The following LRRC38 variants were observed in gnomAD, a reference collection of about 807,000 sequenced individuals.
LRRC38 encodes leucine rich repeat containing 38.
A neutral mutation model predicts 16.4 loss-of-function variants in LRRC38; 5 were observed. The observed-to-expected ratio is 0.31, with a 90% CI of 0.16 to 0.64. The LOEUF is 0.64. LRRC38 is among the 30% of genes least tolerant of loss of function. LRRC38 has a pLI of 0.80. For missense variants in LRRC38, 341 were observed against 401.8 expected (o/e 0.85, Z 1.29); for synonymous variants, 191 against 190.2 (o/e 1.00, Z -0.04).
At chr1:13,505,909 G>A (rs113080687) in intron 1 of LRRC38, among the ~76,000 whole-genome samples, 151 of 152,270 alleles carry the variant, frequency 9.9e-4, no homozygotes, top group Middle Eastern at 6.8e-3. Context: ...AAGGGGCAGG[G>A]AGGGAGGAGA....
intron 1 of LRRC38, among the ~76,000 whole-genome samples, chr1:13,498,202 G>T (rs541556166): frequency 6.6e-6 from 1 of 151,688 alleles, no homozygotes; most frequent in African/African-American, 2.4e-5. Context: ...CTGCTCTGGG[G>T]CAGGAAGCAG....
intron 1 of LRRC38, among the ~76,000 whole-genome samples, chr1:13,482,984 G>A (rs966726366): frequency 6.6e-6 from 1 of 152,164 alleles, no homozygotes; most frequent in African/African-American, 2.4e-5. Flanking sequence ...CATGTAGCAG[G>A]GAAATGCCAG....
At chr1:13,510,866 G>A (rs1312142684) in intron 1 of LRRC38, among the ~76,000 whole-genome samples, 2 of 152,142 alleles carry the variant, frequency 1.3e-5, no homozygotes, top group East Asian at 1.9e-4. Flanking sequence ...ACCTGAATGC[G>A]GGTCTCACTT....
chr1:13,485,493 G>A (rs527585159), intron 1 of LRRC38, among the ~76,000 whole-genome samples: 4 of 152,016 alleles, frequency 2.6e-5, no homozygotes, highest in Non-Finnish European at 5.9e-5. Flanking sequence ...GCATGAACTC[G>A]GGAGGCGATG....
At chr1:13,488,345 C>T (rs1021417512) in intron 1 of LRRC38, among the ~76,000 whole-genome samples, 3 of 149,302 alleles carry the variant, frequency 2.0e-5, no homozygotes, top group African/African-American at 4.9e-5. Flanking sequence ...GATCTCGGCT[C>T]ACTGCAACCT....
At chr1:13,499,680 C>A (rs1046053950) in intron 1 of LRRC38, among the ~76,000 whole-genome samples, 5 of 152,058 alleles carry the variant, frequency 3.3e-5, no homozygotes, top group Non-Finnish European at 7.4e-5. Context: ...AGGGCTCAGG[C>A]CAGTGGGAGG....
rs61673611 is a variant in LRRC38 at position 13,498,967 on chromosome 1, C to G, written c.631+13996G>C. On this transcript the variant is annotated intron_variant, in intron 1 of 1. Transcript: ENST00000376085. The stretch of plus-strand genomic sequence containing the variant: ...CTTTCCTTAGTTTGTAGGTACAGCA[C>G]CTTTACCTCTGCCTTCATCTTCACG... 9.7e-3 allele frequency among the ~76,000 whole-genome samples: 1,480 copies of G among 152,264 alleles called. 33 individuals carry two copies. The highest frequency in any genetic ancestry group is 0.033 in the African/African-American group (1,382 of 41,548).
Position 13,513,586 on chromosome 1 carries a change from G to A in LRRC38, c.8C>T (p.Pro3Leu). The change falls in exon 1 of 2, where the codon CCC becomes CTC. Residue 3 changes from proline (P) to leucine (L), a missense_variant. Physicochemically the swap from Pro to Leu is moderately conservative, Grantham distance 98. Coordinates refer to ENST00000376085, the MANE Select transcript of LRRC38 (RefSeq NM_001010847.2). Reference sequence around the variant, plus strand: ...CGCGGCGGCGCAGGCTGGGGCTCGGGGGCGCATGGCCGGGGGGCCCGCGCC... The same window carrying A: ...CGCGGCGGCGCAGGCTGGGGCTCGGAGGCGCATGGCCGGGGGGCCCGCGCC... MR[P>L]RAPACAAAAL... The A allele has an allele frequency of 8.6e-7, 1 of 1,168,998 alleles. No individual in the cohort carries two copies. The allele number at this position is 1,168,998 out of a possible 1,614,324, so 72.4% of individuals were successfully genotyped here. A position where few individuals can be genotyped will look rare whatever the true frequency, so the allele number is the denominator to read the frequency against.
In LRRC38 at chr1:13,510,726, G is replaced by C. The variant is rs145082114; in HGVS notation, c.631+2237C>G. 3.3e-3 allele frequency among the ~76,000 whole-genome samples: 503 copies of C among 152,228 alleles called. 3 individuals carry two copies. The highest frequency in any genetic ancestry group is 5.1e-3 in the Non-Finnish European group (348 of 68,026). On this transcript the variant is annotated intron_variant, in intron 1 of 1. Transcript: ENST00000376085. The stretch of plus-strand genomic sequence containing the variant: ...GCCAAGCAAGACGGTGTTCTTTACA[G>C]AGATAATCTCATTTAAATCTCACAG...
intron 1 of LRRC38, among the ~76,000 whole-genome samples, chr1:13,510,153 G>A (rs1164196832): frequency 6.6e-6 from 1 of 152,154 alleles, no homozygotes; most frequent in Non-Finnish European, 1.5e-5. Context: ...GAAAGCAAGG[G>A]TAGGATCCTC....
Position 13,512,005 on chromosome 1 carries a change from C to T in LRRC38, c.631+958G>A, listed in dbSNP as rs529949574. The stretch of plus-strand genomic sequence containing the variant: ...CATGTATGTCACCTTTGATGATGTG[C>T]GCCTTGCAGCTGTGGTCCCAATTCT... On this transcript the variant is annotated intron_variant, in intron 1 of 1. Transcript: ENST00000376085. 2.0e-5 allele frequency among the ~76,000 whole-genome samples: 3 copies of T among 152,292 alleles called. 1 individual carries two copies. The highest frequency in any genetic ancestry group is 4.1e-4 in the South Asian group (2 of 4,820).
chr1:13,492,352 A>G (rs1353869096), intron 1 of LRRC38, among the ~76,000 whole-genome samples: 1 of 152,210 alleles, frequency 6.6e-6, no homozygotes, highest in African/African-American at 2.4e-5. Flanking sequence ...TTGTTGTTAC[A>G]TTTATTTGGA....
At chr1:13,508,725 TAG>T (rs1347115692) in intron 1 of LRRC38, among the ~76,000 whole-genome samples, 4 of 152,192 alleles carry the variant, frequency 2.6e-5, no homozygotes, top group Admixed American at 2.0e-4. Flanking sequence ...GAAAAAGAAA[TAG>T]AGTCACCTGG....
chr1:13,504,896 AAAAAC>A (rs1207851644), intron 1 of LRRC38, among the ~76,000 whole-genome samples: 1 of 152,124 alleles, frequency 6.6e-6, no homozygotes, highest in Non-Finnish European at 1.5e-5. Context: ...CAAAGAAAGA[AAAAAC>A]AAACAGTATG....
chr1:13,488,855 G>A (rs117673245), intron 1 of LRRC38, among the ~76,000 whole-genome samples: 4 of 152,202 alleles, frequency 2.6e-5, no homozygotes, highest in South Asian at 2.1e-4. Context: ...AGAGGCCGTC[G>A]TGCGAAGGGG....
At chr1:13,497,999 T>G (rs1044804191) in intron 1 of LRRC38, among the ~76,000 whole-genome samples, 2 of 144,048 alleles carry the variant, frequency 1.4e-5, no homozygotes, top group African/African-American at 5.4e-5. Context: ...ACATTTTGGA[T>G]ATGCTGGATT....
At chr1:13,481,766 TCTCTCC>T (rs1638868801) in intron 1 of LRRC38, among the ~76,000 whole-genome samples, 2 of 38,910 alleles carry the variant, frequency 5.1e-5, no homozygotes, top group South Asian at 6.4e-4. Flanking sequence ...TCTTTCCCTC[TCTCTCC>T]CTCTCTCCCT....
intron 1 of LRRC38, among the ~76,000 whole-genome samples, chr1:13,494,628 C>T (rs1287052550): frequency 1.3e-5 from 2 of 152,168 alleles, no homozygotes; most frequent in African/African-American, 4.8e-5. Flanking sequence ...AGCCTGTGTT[C>T]TTAGCCACTG....
chr1:13,509,212 C>T (rs1013908436), intron 1 of LRRC38, among the ~76,000 whole-genome samples: 6 of 152,056 alleles, frequency 3.9e-5, no homozygotes, highest in East Asian at 3.9e-4. Flanking sequence ...GGTTGTAGAG[C>T]GAGAGAATCA....
Sources: gnomAD v4.1 joint callset for allele counts (sites outside exome capture counted in the v4.1 genomes callset) on GRCh38, gnomAD v4.1.1 for gene constraint, MANE v1.5 for transcripts, NCBI Gene and HGNC (gene_info 2026-07-23, HGNC 2026-07-21) for gene names.